Variants in DDX23 observed in about 807,000 individuals in gnomAD.
The protein encoded by DDX23 is DEAD-box helicase 23.
In DDX23, 33 loss-of-function variants were observed where a neutral mutation model predicts 102.7. The observed-to-expected ratio is 0.32, with a 90% CI of 0.24 to 0.43. The LOEUF is 0.43. Among genes scored for constraint, DDX23 ranks in the 20% least tolerant of loss-of-function variants. The pLI is 1.00. For synonymous variants in DDX23, 352 were observed against 376.0 expected, an observed-to-expected ratio of 0.94 and a Z score of 0.74; for missense variants, 549 against 1,086.6, an observed-to-expected ratio of 0.51 and a Z score of 6.96.
In DDX23 at chr12:48,832,126, G is replaced by A; in HGVS notation, c.2016C>T (p.Asn672=). 5.0e-6 allele frequency: 8 copies of A among 1,613,896 alleles called. No homozygotes were observed. Among genetic ancestry groups the A allele is most frequent in the African/African-American group, 1.3e-5 (1 of 74,942 alleles). The change falls in exon 15 of 17, where the codon AAC becomes AAT. Residue 672 remains asparagine (N), a synonymous_variant. Coordinates refer to ENST00000308025, the MANE Select transcript of DDX23 (RefSeq NM_004818.3). The surrounding 1 kb of genome is among the most constrained non-coding windows in gnomAD (Gnocchi z 4.4). ...CCAACACGTCGCAGCCCTTCTTCTG[G>A]TTGACAAAAATAATGATGGGTGGGT... ...GFDPPIIIFV[N]QKKGCDVLAK... is the part of the protein sequence containing the mutation.
Position 48,836,434 on chromosome 12 carries a change from C to T in DDX23, c.1236+135G>A. ...TAATCACTAAAAGCCAACACTTCTA[C>T]CAGAAAGTGACAGAAAAGGTCACAT... is the stretch of plus-strand genomic sequence containing the variant. On this transcript the variant is annotated intron_variant, in intron 10 of 16. Coordinates refer to ENST00000308025, the MANE Select transcript of DDX23 (RefSeq NM_004818.3). The surrounding 1 kb of genome is among the most constrained non-coding windows in gnomAD (Gnocchi z 6.1). 8 of 1,241,448 alleles carry T rather than the reference C, an allele frequency of 6.4e-6. No individual in the cohort carries two copies. Among genetic ancestry groups the T allele is most frequent in the South Asian group, 1.4e-5 (1 of 70,194 alleles). The allele number at this position is 1,241,448 out of a possible 1,614,324, so 76.9% of individuals were successfully genotyped here.
At chr12:48,835,537 G>A (rs1033353562) in intron 11 of DDX23, among the ~76,000 whole-genome samples, 10 of 151,872 alleles carry the variant, frequency 6.6e-5, no homozygotes, top group Non-Finnish European at 1.2e-4. Context: ...TTGAGACCCC[G>A]TCTCTACTAA....
chr12:48,838,761 G>A (rs1161691557), intron 5 of DDX23, among the ~76,000 whole-genome samples: 1 of 152,052 alleles, frequency 6.6e-6, no homozygotes, highest in Non-Finnish European at 1.5e-5. Flanking sequence ...GCTGAGGCAG[G>A]AGAATTGCTT....
chr12:48,837,498 A>G, intron 7 of DDX23, 26 bp downstream of exon 7: 1 of 1,613,914 alleles, frequency 6.2e-7, no homozygotes, highest in Non-Finnish European at 8.5e-7. Flanking sequence ...GTGGGAGAGA[A>G]GTGAAGATGG....
At chr12:48,845,496 G>A in intron 2 of DDX23, 78 bp downstream of exon 2, 2 of 1,484,544 alleles carry the variant, frequency 1.3e-6, no homozygotes, top group Admixed American at 3.4e-5. Context: ...TAATACTGGA[G>A]GCATCAGAAG....
Position 48,830,052 on chromosome 12 carries a change from T to C in DDX23, c.*417A>G. The C allele has an allele frequency of 2.7e-6, 1 of 368,698 alleles. No individual in the cohort carries two copies. The highest frequency in any genetic ancestry group is 2.0e-5 in the South Asian group (1 of 49,174). 22.8% of individuals were successfully genotyped at this position (368,698 alleles called of 1,614,324 possible). A position where few individuals can be genotyped will look rare whatever the true frequency, so the allele number is the denominator to read the frequency against. ...GTAATCCTCATGGTGCCAGGTCTCC[T>C]GGGGCATCTAGGGCAATGATGCTAC... On this transcript the variant is annotated 3_prime_UTR_variant, in exon 17 of 17. Coordinates refer to ENST00000308025, the MANE Select transcript of DDX23 (RefSeq NM_004818.3). This position sits in a 1 kb window ranked among gnomAD's most constrained non-coding sequence, Gnocchi z 4.9.
chr12:48,845,445 C>T lies in DDX23; in HGVS notation c.209+129G>A, dbSNP rs955263604. 5.7e-5 allele frequency: 60 copies of T among 1,057,572 alleles called. No homozygotes were observed. The East Asian group carries it at 1.3e-3, about 23-fold the overall frequency. 65.5% of individuals were successfully genotyped at this position (1,057,572 alleles called of 1,614,324 possible). ...ACTCCAGTCTGGGTAACAAACAGAG[C>T]GAGACTCTGTCTCAAAAAATAAAAA... On this transcript the variant is annotated intron_variant, in intron 2 of 16. Coordinates refer to ENST00000308025, the MANE Select transcript of DDX23 (RefSeq NM_004818.3).
Position 48,832,532 on chromosome 12 carries a change from A to G in DDX23, c.1845T>C (p.Arg615=). ...GTCGCCGAAGATAGCTCCTGGCCAG[A>G]CGCTCCACCGCTGGGGGCATGGTGG... is the stretch of plus-strand genomic sequence containing the variant. ...FTATMPPAVE[R]LARSYLRRPA... The change falls in exon 14 of 17, where the codon CGT becomes CGC. Residue 615 remains arginine (R), a synonymous_variant. Coordinates refer to ENST00000308025, the MANE Select transcript of DDX23 (RefSeq NM_004818.3). This position sits in a 1 kb window ranked among gnomAD's most constrained non-coding sequence, Gnocchi z 4.4. The G allele has an allele frequency of 6.2e-7, 1 of 1,614,140 alleles. No individual in the cohort carries two copies. Among genetic ancestry groups the G allele is most frequent in the Non-Finnish European group, 8.5e-7 (1 of 1,180,036 alleles).
At chr12:48,837,207 C>T in intron 8 of DDX23, 74 bp downstream of exon 8, 6 of 1,561,706 alleles carry the variant, frequency 3.8e-6, no homozygotes, top group Non-Finnish European at 5.3e-6. Flanking sequence ...CTTACTTCCT[C>T]CACCTCCGTA....
At chr12:48,843,810 A>C in intron 3 of DDX23, 130 bp downstream of exon 3, 1 of 906,556 alleles carries the variant, frequency 1.1e-6, no homozygotes. Context: ...AGCCTCCCAA[A>C]GTGCTGGGAT....
intron 15 of DDX23, among the ~76,000 whole-genome samples, chr12:48,831,625 A>G (rs1437590677): frequency 1.3e-5 from 2 of 152,196 alleles, no homozygotes; most frequent in Non-Finnish European, 2.9e-5. Flanking sequence ...CAGGGTAGAA[A>G]GCAGGGATCA....
Position 48,835,950 on chromosome 12 carries a change from C to A in DDX23, c.1382+171G>T, listed in dbSNP as rs559893632. On this transcript the variant is annotated intron_variant, in intron 11 of 16. Transcript: ENST00000308025. ...ATAGCAAAGTTCTCCAGGTCTTTGCCAGCAACATATACTTCTTCGATATCA... is the reference window on the plus strand; with the variant it reads ...ATAGCAAAGTTCTCCAGGTCTTTGCAAGCAACATATACTTCTTCGATATCA... Among the ~76,000 whole-genome samples, 10 of 152,192 alleles carry A rather than the reference C, an allele frequency of 6.6e-5. No homozygotes were observed. In the East Asian group the frequency reaches 1.9e-3, roughly 29 times the overall value.
At chr12:48,841,317 C>G (rs1345684643) in intron 3 of DDX23, among the ~76,000 whole-genome samples, 1 of 152,144 alleles carries the variant, frequency 6.6e-6, no homozygotes, top group Non-Finnish European at 1.5e-5. Flanking sequence ...ACCCAAGAGG[C>G]AGAGGTTGCA....
At position 48,832,005 on chromosome 12, in the gene DDX23, GC is replaced by G. The variant is rs1393100410; in HGVS notation, c.2064+72del. On this transcript the variant is annotated intron_variant, in intron 15 of 16. Transcript: ENST00000308025. This position sits in a 1 kb window ranked among gnomAD's most constrained non-coding sequence, Gnocchi z 4.4. The stretch of plus-strand genomic sequence containing the variant: ...GAAAGGGTGAGACTTGAAAGGAAGA[GC>G]CTAGGGGGCCCTGCTAGATTCAGAA... The G allele has an allele frequency of 7.1e-7, 1 of 1,400,072 alleles. No homozygotes were observed. Among genetic ancestry groups the G allele is most frequent in the Non-Finnish European group, 1.0e-6 (1 of 989,764 alleles). 86.7% of individuals were successfully genotyped at this position (1,400,072 alleles called of 1,614,324 possible). A position where few individuals can be genotyped will look rare whatever the true frequency, so the allele number is the denominator to read the frequency against.
chr12:48,839,922 C>T lies in DDX23; in HGVS notation c.415-13G>A, dbSNP rs770294764. ...ATAATGGCTGGGCCTGAAGATAAAA[C>T]AGAACTTTAGTCTATAAAGGCTCTC... On this transcript the variant is annotated splice_polypyrimidine_tract_variant and intron_variant, in intron 4 of 16. Transcript: ENST00000308025. 1 of 1,614,116 alleles carries T rather than the reference C, an allele frequency of 6.2e-7. No individual in the cohort carries two copies. The highest frequency in any genetic ancestry group is 1.3e-5 in the African/African-American group (1 of 75,028).
chr12:48,840,186 A>C, intron 3 of DDX23, 80 bp from the exon 4 acceptor site: 1 of 1,136,462 alleles, frequency 8.8e-7, no homozygotes, highest in South Asian at 1.2e-5. Context: ...CGAAAAGAGA[A>C]TGGAAGTTTC....
At position 48,833,264 on chromosome 12, in the gene DDX23, G is replaced by A. The variant is rs2137481581; in HGVS notation, c.1803+13C>T. ...CCTGTCCAACTTTTCCCAGCCCAGG[G>A]AAGCAGCCTTACTTGGCGGTACTTA... On this transcript the variant is annotated intron_variant, in intron 13 of 16. Transcript: ENST00000308025. The A allele has an allele frequency of 5.0e-6, 8 of 1,613,990 alleles. No individual in the cohort carries two copies. Among genetic ancestry groups the A allele is most frequent in the Non-Finnish European group, 6.8e-6 (8 of 1,179,890 alleles).
chr12:48,832,437 G>A lies in DDX23; in HGVS notation c.1940C>T (p.Ser647Leu). 2.5e-6 allele frequency: 4 copies of A among 1,613,654 alleles called. No individual in the cohort carries two copies. Among genetic ancestry groups the A allele is most frequent in the Non-Finnish European group, 3.4e-6 (4 of 1,179,664 alleles). Residue 647 changes from serine (S) to leucine (L), a missense_variant, in exon 14 of 17, where the codon TCA becomes TTA. Physicochemically the swap from Ser to Leu is moderately radical, Grantham distance 145 (BLOSUM62 -2). Around this residue, in one of 4 missense-constraint regions of DDX23, gnomAD observed 270 missense variants for 707.0 expected, o/e 0.38. Transcript: ENST00000308025. The surrounding 1 kb of genome is among the most constrained non-coding windows in gnomAD (Gnocchi z 4.4). ...ERVEQKVFLM[S>L]ESEKRKKLLA... Reference sequence around the variant, plus strand: ...GCCCTCATACCTCTTTTCTGACTCTGACATGAGGAAGACCTTCTGTTCCAC... The same window carrying A: ...GCCCTCATACCTCTTTTCTGACTCTAACATGAGGAAGACCTTCTGTTCCAC...
In DDX23 at chr12:48,836,126, A is replaced by C. The variant is rs1938465361; in HGVS notation, c.1377T>G (p.Ile459Met). The C allele has an allele frequency of 3.1e-6, 5 of 1,612,858 alleles. No homozygotes were observed. Among genetic ancestry groups the C allele is most frequent in the Non-Finnish European group, 4.2e-6 (5 of 1,179,956 alleles). The change falls in exon 11 of 17, where the codon ATT becomes ATG. Residue 459 changes from isoleucine to methionine, a missense_variant. Physicochemically the swap from Ile to Met is conservative, Grantham distance 10. This residue lies in a region of DDX23 where 270 missense variants were observed against 707.0 expected (regional missense o/e 0.38). Transcript: ENST00000308025. The surrounding 1 kb of genome is among the most constrained non-coding windows in gnomAD (Gnocchi z 6.1). ...LLVWITTLPK[I>M]DRIEESDQGP... ...CTGGTGCTAGCTGACCTCACCTGTCAATTTTGGGAAGTGTGGTGATCCAGA... is the reference window on the plus strand; with the variant it reads ...CTGGTGCTAGCTGACCTCACCTGTCCATTTTGGGAAGTGTGGTGATCCAGA...
Sources: gnomAD v4.1 joint callset for allele counts (sites outside exome capture counted in the v4.1 genomes callset) on GRCh38, gnomAD v4.1.1 for gene constraint, gnomAD v4.1.1 regional missense constraint, Gnocchi (gnomAD v3.1) non-coding constraint, MANE v1.5 for transcripts, NCBI Gene and HGNC (gene_info 2026-07-23, HGNC 2026-07-21) for gene names.